Variants in FAAH2 observed in about 807,000 individuals in gnomAD.
The protein encoded by FAAH2 is fatty acid amide hydrolase 2, also known as fatty-acid amide hydrolase 2.
A neutral mutation model predicts 36.9 loss-of-function variants in FAAH2; 60 were observed. The ratio of observed to expected loss-of-function variants is 1.63; its 90% confidence interval spans 1.32 to 2.02. The LOEUF is 2.02. Among genes scored for constraint, FAAH2 ranks in the 30% most tolerant of loss-of-function variants. The pLI, the probability that FAAH2 is intolerant of heterozygous loss-of-function variation, is 0.00. For synonymous variants in FAAH2, 214 were observed against 143.8 expected (o/e 1.49, Z -3.49); for missense variants, 689 against 397.5 (o/e 1.73, Z -6.23).
intron 10 of FAAH2, among the ~76,000 whole-genome samples, chrX:57,484,783 T>C (rs777165835): frequency 3.6e-5 from 4 of 111,245 alleles, no homozygotes; most frequent in Non-Finnish European, 7.5e-5. Context: ...GGATAGGTAC[T>C]AGCTGTGTTA....
chrX:57,315,195 A>C lies in FAAH2; in HGVS notation c.412+4466A>C, dbSNP rs188500665. On this transcript the variant is annotated intron_variant, in intron 3 of 10. Transcript: ENST00000374900. ...ATTCCTGGAAACACACCTTCTTCCA[A>C]GATTGAATCAGGAAGAGAGTGAAAC... Among the ~76,000 whole-genome samples the C allele has an allele frequency of 2.7e-5, 3 of 111,561 alleles. No homozygotes were observed. In the East Asian group the frequency reaches 8.4e-4, roughly 31 times the overall value.
intron 3 of FAAH2, among the ~76,000 whole-genome samples, chrX:57,316,976 CA>C (rs1413113252): frequency 9.0e-6 from 1 of 111,415 alleles, no homozygotes; most frequent in Non-Finnish European, 1.9e-5. Flanking sequence ...AGGAAATATT[CA>C]TAAACTATGC....
At chrX:57,449,305 T>C (rs933684958) in intron 10 of FAAH2, among the ~76,000 whole-genome samples, 8 of 111,866 alleles carry the variant, frequency 7.2e-5, no homozygotes, top group Non-Finnish European at 9.4e-5. Context: ...CACACTATTC[T>C]TTGAGATGAA....
At chrX:57,158,512 GT>G in the FAAH2 span, among the ~76,000 whole-genome samples, 1 of 111,711 alleles carries the variant, frequency 9.0e-6, no homozygotes, top group Non-Finnish European at 1.9e-5. Flanking sequence ...AGCACCTGTT[GT>G]TTCCTGACTT....
intron 7 of FAAH2, among the ~76,000 whole-genome samples, chrX:57,402,118 G>A (rs1007199352): frequency 4.5e-5 from 5 of 111,683 alleles, no homozygotes; most frequent in African/African-American, 1.3e-4. Context: ...GGCTCTGTGA[G>A]GGTGATGGCA....
chrX:57,126,219 A>T, the FAAH2 span, among the ~76,000 whole-genome samples: 1 of 112,329 alleles, frequency 8.9e-6, no homozygotes, highest in Admixed American at 9.4e-5. Context: ...GCCAAAGTAA[A>T]AATTAGAGAG....
the FAAH2 span, among the ~76,000 whole-genome samples, chrX:57,235,575 C>T: frequency 8.9e-6 from 1 of 112,086 alleles, no homozygotes; most frequent in South Asian, 3.7e-4. Flanking sequence ...TTAAAATATG[C>T]ATCTTCATGA....
chrX:57,325,163 G>C (rs1040053829), intron 3 of FAAH2, among the ~76,000 whole-genome samples: 5 of 111,850 alleles, frequency 4.5e-5, no homozygotes, highest in Non-Finnish European at 9.4e-5. Flanking sequence ...GTATGTTGAA[G>C]CAGCCTTGCA....
chrX:57,433,267 G>C (rs2056342039), intron 8 of FAAH2, among the ~76,000 whole-genome samples: 1 of 111,179 alleles, frequency 9.0e-6, no homozygotes, highest in Non-Finnish European at 1.9e-5. Context: ...AGAAAAAGAG[G>C]GGGGAAAAAT....
intron 1 of FAAH2, chrX:57,290,192 C>T (rs938875898): frequency 1.6e-6 from 1 of 611,732 alleles, no homozygotes; most frequent in Admixed American, 8.9e-5. Flanking sequence ...CTACCTCTAA[C>T]CCCTGCTTTT....
intron 5 of FAAH2, among the ~76,000 whole-genome samples, chrX:57,353,497 A>AG (rs1569285325): frequency 9.5e-6 from 1 of 105,540 alleles, no homozygotes; most frequent in African/African-American, 3.6e-5. Flanking sequence ...TAAAAAAAAA[A>AG]AAAGAAAAAA....
chrX:57,263,165 C>G, the FAAH2 span, among the ~76,000 whole-genome samples: 1 of 111,392 alleles, frequency 9.0e-6, no homozygotes, highest in Non-Finnish European at 1.9e-5. Flanking sequence ...AAAATTCCTT[C>G]TAGTTGAAGT....
chrX:57,132,139 C>G, the FAAH2 span, among the ~76,000 whole-genome samples: 1 of 112,310 alleles, frequency 8.9e-6, no homozygotes, highest in Non-Finnish European at 1.9e-5. Flanking sequence ...AAACAGAATA[C>G]AGGTTTAAAC....
chrX:57,393,048 T>C, intron 7 of FAAH2: 6 of 900,319 alleles, frequency 6.7e-6, no homozygotes, highest in Non-Finnish European at 8.2e-6. Context: ...CTGGACAGCC[T>C]GAGCCAGGGC....
chrX:57,364,610 T>C (rs2054368268), intron 5 of FAAH2, among the ~76,000 whole-genome samples: 2 of 109,781 alleles, frequency 1.8e-5, no homozygotes, highest in South Asian at 3.9e-4. Context: ...CTTTAGAGTC[T>C]CTCTTGCTTG....
chrX:57,309,244 C>A (rs1437525237), intron 2 of FAAH2, among the ~76,000 whole-genome samples: 2 of 111,159 alleles, frequency 1.8e-5, no homozygotes, highest in Non-Finnish European at 3.8e-5. Context: ...TAATTATGTC[C>A]ATTATAGAAC....
intron 5 of FAAH2, among the ~76,000 whole-genome samples, chrX:57,349,175 ATGT>A (rs1378398262): frequency 2.2e-5 from 2 of 90,543 alleles, no homozygotes; most frequent in Non-Finnish European, 4.2e-5. Flanking sequence ...ACACATATAT[ATGT>A]ATACATATAT....
chrX:57,405,859 T>C (rs1003671427), intron 7 of FAAH2, among the ~76,000 whole-genome samples: 22 of 105,899 alleles, frequency 2.1e-4, no homozygotes, highest in African/African-American at 7.7e-4. Flanking sequence ...ATCCTGAATT[T>C]TTAAAATTTA....
At chrX:57,299,912 C>A (rs1712998571) in intron 2 of FAAH2, among the ~76,000 whole-genome samples, 2 of 110,932 alleles carry the variant, frequency 1.8e-5, no homozygotes, top group Non-Finnish European at 3.8e-5. Flanking sequence ...ATGTGAAGGA[C>A]CTCTTCAAGG....
Sources: allele counts gnomAD v4.1 joint callset (sites outside exome capture counted in the v4.1 genomes callset), GRCh38; gene constraint gnomAD v4.1.1; transcripts MANE v1.5; gene names NCBI Gene and HGNC (gene_info 2026-07-23, HGNC 2026-07-21).